WNK1: variants seen among roughly 807,000 people sequenced by gnomAD.
WNK1 encodes serine/threonine-protein kinase WNK1.
Under a neutral mutation model 222.8 loss-of-function variants are expected in WNK1, and 38 were observed. The observed-to-expected ratio is 0.17, with a 90% CI of 0.13 to 0.22. The LOEUF (loss-of-function observed/expected upper bound fraction) is 0.22. WNK1 is among the 10% of genes least tolerant of loss of function. The probability of loss-of-function intolerance (pLI) is 1.00; values close to 1 mark genes in which losing one functional copy is unlikely to be tolerated. For synonymous variants in WNK1, 1,090 were observed against 1,092.9 expected (o/e 1.00, Z 0.05); for missense variants, 2,348 against 2,918.4 (o/e 0.80, Z 4.50).
intron 4 of WNK1, 127 bp downstream of exon 4, chr12:830,287 G>C (rs1049577221): frequency 8.3e-6 from 9 of 1,090,148 alleles, no homozygotes; most frequent in Admixed American, 2.0e-5. Context: ...GTTGGGGTTG[G>C]GGGGGTGGTG....
intron 14 of WNK1, among the ~76,000 whole-genome samples, chr12:882,437 G>A (rs142842950): frequency 1.0e-3 from 158 of 152,226 alleles, no homozygotes; most frequent in African/African-American, 3.6e-3. Context: ...GACCTCAGGT[G>A]ACTCACCTGC....
At chr12:890,361 C>T in intron 21 of WNK1, 92 bp from the exon 22 acceptor site, 1 of 1,259,814 alleles carries the variant, frequency 7.9e-7, no homozygotes, top group Non-Finnish European at 1.2e-6. Flanking sequence ...GTCTTTCTGC[C>T]CTTTTACAAA....
In WNK1 at chr12:905,143, A is replaced by G. The variant is rs547524726; in HGVS notation, c.6644-2704A>G. Among the ~76,000 whole-genome samples the G allele has an allele frequency of 9.2e-5, 14 of 152,346 alleles. No individual in the cohort carries two copies. The South Asian group carries it at 2.9e-3, about 32-fold the overall frequency. On this transcript the variant is annotated intron_variant, in intron 26 of 27. Transcript: ENST00000315939. The stretch of plus-strand genomic sequence containing the variant: ...AAAAATGAATCTTGGGGGTAAGTCT[A>G]TACTACTTATTAGGGCTTTTCAGAA...
chr12:804,401 C>A (rs1440981186), intron 1 of WNK1, among the ~76,000 whole-genome samples: 1 of 151,898 alleles, frequency 6.6e-6, no homozygotes, highest in Non-Finnish European at 1.5e-5. Context: ...ACTTTTTCAG[C>A]ATCCCAAACT....
intron 8 of WNK1, among the ~76,000 whole-genome samples, chr12:864,123 T>TTTTTTTTCC (rs71051398): frequency 6.8e-6 from 1 of 147,216 alleles, no homozygotes; most frequent in Non-Finnish European, 1.5e-5. Flanking sequence ...TTTTTTTTTT[T>TTTTTTTTCC]TTTTGACAGC....
At position 827,384 on chromosome 12, in the gene WNK1, AGGTG is replaced by A; in HGVS notation, c.1153+123_1153+126del. 1 of 845,716 alleles carries A rather than the reference AGGTG, an allele frequency of 1.2e-6. No homozygotes were observed. The highest frequency in any genetic ancestry group is 2.0e-6 in the Non-Finnish European group (1 of 501,976). The allele number at this position is 845,716 out of a possible 1,614,324, so 52.4% of individuals were successfully genotyped here. A position where few individuals can be genotyped will look rare whatever the true frequency, so the allele number is the denominator to read the frequency against. On this transcript the variant is annotated intron_variant, in intron 3 of 27. Transcript: ENST00000315939. This position sits in a 1 kb window ranked among gnomAD's most constrained non-coding sequence, Gnocchi z 4.6. ...AAGAAATTCATAGCTTGAACTCAGG[AGGTG>A]ATCCATTGTACTTATGAGATATAGG...
intron 4 of WNK1, among the ~76,000 whole-genome samples, chr12:845,155 A>G (rs1949939998): frequency 1.3e-5 from 2 of 152,034 alleles, no homozygotes; most frequent in Non-Finnish European, 2.9e-5. Context: ...TCAGCCTCCC[A>G]AAGTGCTGGG....
rs770216307 is a variant in WNK1 at position 867,865 on chromosome 12, G to A, written c.2140-3400G>A. ...TACTTGTCTTATTCATGTTGATACA[G>A]CCTCAGTCCATGGCGCATCCGTGTG... is the stretch of plus-strand genomic sequence containing the variant. On this transcript the variant is annotated intron_variant, in intron 8 of 27. Coordinates refer to ENST00000315939, the MANE Select transcript of WNK1 (RefSeq NM_018979.4). 8.7e-6 allele frequency: 14 copies of A among 1,613,672 alleles called. No individual in the cohort carries two copies. Among genetic ancestry groups the A allele is most frequent in the Non-Finnish European group, 1.2e-5 (14 of 1,179,694 alleles).
chr12:800,119 G>A lies in WNK1; in HGVS notation c.760-13523G>A, dbSNP rs183806939. On this transcript the variant is annotated intron_variant, in intron 1 of 27. Transcript: ENST00000315939. ...GGACTGGACTACTGCACTCCAGTCT[G>A]GGCAACAGAGTAAGACCCTCTGTCA... 3.9e-5 allele frequency among the ~76,000 whole-genome samples: 6 copies of A among 152,110 alleles called. No homozygotes were observed. In the East Asian group the frequency reaches 1.2e-3, roughly 29 times the overall value.
chr12:876,147 C>T lies in WNK1; in HGVS notation c.2224-2065C>T, dbSNP rs184445721. 2.0e-5 allele frequency among the ~76,000 whole-genome samples: 3 copies of T among 152,268 alleles called. No homozygotes were observed. In the East Asian group the frequency reaches 5.8e-4, roughly 29 times the overall value. ...TCAGAGGCCGGGGCGCGGTGGCTCA[C>T]GCCTGTAATCCTAGCACTTTGGGAG... On this transcript the variant is annotated intron_variant, in intron 9 of 27. Transcript: ENST00000315939.
intron 1 of WNK1, among the ~76,000 whole-genome samples, chr12:792,844 T>C (rs1177395341): frequency 2.6e-5 from 4 of 152,086 alleles, no homozygotes; most frequent in African/African-American, 9.7e-5. Context: ...TATAAACATA[T>C]TATTCTATGA....
intron 4 of WNK1, among the ~76,000 whole-genome samples, chr12:845,036 C>T (rs1444997854): frequency 6.7e-6 from 1 of 149,320 alleles, no homozygotes; most frequent in Non-Finnish European, 1.5e-5. Context: ...GCTGGGACTA[C>T]AGGCGCCCGC....
intron 4 of WNK1, among the ~76,000 whole-genome samples, chr12:838,404 C>T (rs1189394809): frequency 6.6e-6 from 1 of 151,728 alleles, no homozygotes; most frequent in African/African-American, 2.4e-5. Context: ...CTTGCCAATC[C>T]TTGTTGTTAT....
At chr12:868,440 C>A (rs369146236) in intron 8 of WNK1, 4 of 1,613,936 alleles carry the variant, frequency 2.5e-6, no homozygotes, top group East Asian at 2.2e-5. Flanking sequence ...TCTGGACAGG[C>A]TTTCCTGGTA....
chr12:870,221 A>G (rs1952025794), intron 8 of WNK1, among the ~76,000 whole-genome samples: 1 of 152,222 alleles, frequency 6.6e-6, no homozygotes, highest in Non-Finnish European at 1.5e-5. Context: ...AGACACAAAA[A>G]GATCCAGAAG....
In WNK1 at chr12:890,524, TC is replaced by T; in HGVS notation, c.5509+13del. On this transcript the variant is annotated intron_variant, in intron 22 of 27. Transcript: ENST00000315939. ...AGCCTCAGAAGGGTGGTGAGAAACA[TC>T]CTTCCTCCTTTTATATTACTAATTC... 2 of 1,613,764 alleles carry T rather than the reference TC, an allele frequency of 1.2e-6. No homozygotes were observed. Among genetic ancestry groups the T allele is most frequent in the South Asian group, 2.2e-5 (2 of 91,066 alleles).
Position 806,753 on chromosome 12 carries a change from A to G in WNK1, c.760-6889A>G, listed in dbSNP as rs188367121. Among the ~76,000 whole-genome samples, 17 of 152,366 alleles carry G rather than the reference A, an allele frequency of 1.1e-4. No homozygotes were observed. The East Asian group carries it at 3.1e-3, about 28-fold the overall frequency. On this transcript the variant is annotated intron_variant, in intron 1 of 27. Coordinates refer to ENST00000315939, the MANE Select transcript of WNK1 (RefSeq NM_018979.4). ...GTGGAGAGACTTTATAGGCTTGGAC[A>G]TATATTGAGTCTTTGCTCATAAAAT...
chr12:759,890 CAT>C (rs913226116), intron 1 of WNK1, among the ~76,000 whole-genome samples: 3 of 147,968 alleles, frequency 2.0e-5, no homozygotes, highest in Non-Finnish European at 4.5e-5. Context: ...ATATATAAAA[CAT>C]GTAGGATAGG....
intron 8 of WNK1, chr12:865,281 G>A (rs1410401624): frequency 6.5e-7 from 1 of 1,536,060 alleles, no homozygotes; most frequent in Non-Finnish European, 8.7e-7. Flanking sequence ...GCTTTCTAAA[G>A]CATTGGAGAG....
Sources: gnomAD v4.1 joint callset for allele counts (sites outside exome capture counted in the v4.1 genomes callset) on GRCh38, gnomAD v4.1.1 for gene constraint, Gnocchi (gnomAD v3.1) non-coding constraint, MANE v1.5 for transcripts, NCBI Gene and HGNC (gene_info 2026-07-23, HGNC 2026-07-21) for gene names.